Variants in CATSPERT observed in about 807,000 individuals in gnomAD.
The protein encoded by CATSPERT is cation channel sperm-associated targeting subunit tau.
chr2:201,490,605 G>A, the CATSPERT span, among the ~76,000 whole-genome samples: 8 of 152,344 alleles, frequency 5.3e-5, no homozygotes, highest in East Asian at 1.2e-3. Context: ...CAGATGGTGG[G>A]TTGGGGGAGG....
the CATSPERT span, among the ~76,000 whole-genome samples, chr2:201,565,320 T>G: frequency 8.3e-6 from 1 of 119,956 alleles, no homozygotes; most frequent in Non-Finnish European, 1.8e-5. Context: ...AAAAAAAAAA[T>G]TAGCCAGGTG....
At chr2:201,521,611 T>A in the CATSPERT span, among the ~76,000 whole-genome samples, 1 of 152,262 alleles carries the variant, frequency 6.6e-6, no homozygotes, top group East Asian at 1.9e-4. Context: ...TGGGTGGGGA[T>A]GCAAATCCAA....
the CATSPERT span, among the ~76,000 whole-genome samples, chr2:201,546,218 TCA>T: frequency 2.6e-5 from 4 of 152,128 alleles, no homozygotes; most frequent in Non-Finnish European, 4.4e-5. Context: ...TGCCCAATTA[TCA>T]CAGAGGTATA....
the CATSPERT span, among the ~76,000 whole-genome samples, chr2:201,584,008 G>A: frequency 6.6e-6 from 1 of 152,158 alleles, no homozygotes; most frequent in Admixed American, 6.5e-5. Context: ...TGCAGCTTTG[G>A]AGAATTAACG....
the CATSPERT span, among the ~76,000 whole-genome samples, chr2:201,606,241 A>G: frequency 6.6e-6 from 1 of 152,346 alleles, no homozygotes; most frequent in African/African-American, 2.4e-5. Flanking sequence ...CAACTCCAAG[A>G]TGTGTCCTAG....
the CATSPERT span, among the ~76,000 whole-genome samples, chr2:201,499,084 A>G: frequency 6.6e-6 from 1 of 152,228 alleles, no homozygotes; most frequent in Non-Finnish European, 1.5e-5. Flanking sequence ...TGCCCAGCAC[A>G]TAGACAGAGT....
chr2:201,498,364 A>G, the CATSPERT span, among the ~76,000 whole-genome samples: 2 of 152,122 alleles, frequency 1.3e-5, no homozygotes, highest in Non-Finnish European at 1.5e-5. Flanking sequence ...CTGGAGTCTG[A>G]TGTCCCAGGG....
chr2:201,547,208 G>A, the CATSPERT span, among the ~76,000 whole-genome samples: 1 of 152,066 alleles, frequency 6.6e-6, no homozygotes, highest in Non-Finnish European at 1.5e-5. Flanking sequence ...TGACTGTGGT[G>A]ATGGATACAC....
At chr2:201,546,836 C>A in the CATSPERT span, among the ~76,000 whole-genome samples, 14 of 152,086 alleles carry the variant, frequency 9.2e-5, no homozygotes, top group Admixed American at 8.5e-4. Flanking sequence ...ATGTTCACAG[C>A]AGCATTATTC....
chr2:201,497,990 C>A, the CATSPERT span, among the ~76,000 whole-genome samples: 1 of 152,028 alleles, frequency 6.6e-6, no homozygotes, highest in Non-Finnish European at 1.5e-5. Flanking sequence ...AATGGAAAAA[C>A]CCAATCAGAA....
the CATSPERT span, among the ~76,000 whole-genome samples, chr2:201,541,645 G>C: frequency 1.3e-5 from 2 of 149,412 alleles, no homozygotes; most frequent in Non-Finnish European, 3.0e-5. Flanking sequence ...ACCCAGGCTG[G>C]AGTGCAGTGG....
At chr2:201,492,292 T>A in the CATSPERT span, 2 of 1,534,648 alleles carry the variant, frequency 1.3e-6, no homozygotes, top group African/African-American at 1.4e-5. Flanking sequence ...CAAATTTATA[T>A]GCTGGTTGAT....
the CATSPERT span, among the ~76,000 whole-genome samples, chr2:201,589,865 A>G: frequency 4.9e-4 from 74 of 152,254 alleles, no homozygotes; most frequent in Admixed American, 2.9e-3. Context: ...CATCTAACAA[A>G]GGTCTAATAT....
At chr2:201,575,401 C>T in the CATSPERT span, 1 of 1,216,008 alleles carries the variant, frequency 8.2e-7, no homozygotes, top group Non-Finnish European at 1.1e-6. Context: ...ACCAAGGGTC[C>T]CCAACCCCTA....
the CATSPERT span, chr2:201,552,980 A>T: frequency 4.6e-5 from 7 of 152,128 alleles, no homozygotes; most frequent in Non-Finnish European, 1.0e-4. Context: ...TGATTATTTT[A>T]TTATGTGTAG....
At chr2:201,572,125 ACTATGAAATAGGC>A in the CATSPERT span, 3 of 726,010 alleles carry the variant, frequency 4.1e-6, no homozygotes, top group African/African-American at 1.8e-5. Context: ...ATACCCCAGG[ACTATGAAATAGGC>A]CTTAAATGAG....
chr2:201,491,066 T>C, the CATSPERT span: 9 of 985,334 alleles, frequency 9.1e-6, no homozygotes, highest in Non-Finnish European at 1.3e-5. Context: ...GTCTTGGGGG[T>C]AATTAAGGTT....
the CATSPERT span, among the ~76,000 whole-genome samples, chr2:201,544,028 G>T: frequency 6.6e-6 from 1 of 152,050 alleles, no homozygotes; most frequent in Non-Finnish European, 1.5e-5. Context: ...CCCACGACAG[G>T]CCCCAGTGTG....
the CATSPERT span, among the ~76,000 whole-genome samples, chr2:201,540,412 C>T: frequency 3.5e-4 from 53 of 152,296 alleles, no homozygotes; most frequent in Non-Finnish European, 3.2e-4. Context: ...AAAGGACAGG[C>T]CAACTCTCTT....
Sources: allele counts gnomAD v4.1 joint callset (sites outside exome capture counted in the v4.1 genomes callset), GRCh38; gene constraint gnomAD v4.1.1; transcripts MANE v1.5; gene names NCBI Gene and HGNC (gene_info 2026-07-23, HGNC 2026-07-21).